The following PTPRQ variants were observed in gnomAD, a reference collection of about 807,000 sequenced individuals.
PTPRQ encodes the protein protein tyrosine phosphatase receptor type Q, also known as phosphatidylinositol phosphatase PTPRQ.
Under a neutral mutation model 246.0 loss-of-function variants are expected in PTPRQ, and 199 were observed. The observed-to-expected ratio is 0.81, with a 90% CI of 0.72 to 0.91. PTPRQ has a LOEUF of 0.91. Ranked by LOEUF, PTPRQ falls within the 40% of genes least tolerant of loss-of-function variation. PTPRQ has a pLI of 0.00. For synonymous variants in PTPRQ, 869 were observed against 853.2 expected, an observed-to-expected ratio of 1.02 and a Z score of -0.32; for missense variants, 2,624 against 2,528.4, an observed-to-expected ratio of 1.04 and a Z score of -0.81.
chr12:80,469,377 A>G (rs1306037353), intron 7 of PTPRQ, among the ~76,000 whole-genome samples: 1 of 152,170 alleles, frequency 6.6e-6, no homozygotes, highest in Non-Finnish European at 1.5e-5. Flanking sequence ...TTTGTAAGCA[A>G]GCAGGACCTG....
chr12:80,525,154 TAC>T (rs560027312), intron 17 of PTPRQ, among the ~76,000 whole-genome samples: 31 of 152,266 alleles, frequency 2.0e-4, no homozygotes, highest in African/African-American at 7.0e-4. Context: ...ACAGTTTGAA[TAC>T]ACAGAGTAGA....
At chr12:80,554,081 G>GT (rs1896570453) in intron 25 of PTPRQ, among the ~76,000 whole-genome samples, 1 of 151,944 alleles carries the variant, frequency 6.6e-6, no homozygotes, top group African/African-American at 2.4e-5. Flanking sequence ...GAGGGGCAGG[G>GT]GGGGTAGGAA....
chr12:80,560,556 C>T (rs1896793107), intron 25 of PTPRQ, among the ~76,000 whole-genome samples: 1 of 152,226 alleles, frequency 6.6e-6, no homozygotes, highest in Middle Eastern at 3.4e-3. Flanking sequence ...GCCAAGAAAA[C>T]ATTTTAACTA....
Position 80,506,134 on chromosome 12 carries a change from A to G in PTPRQ, c.2383A>G (p.Ile795Val), listed in dbSNP as rs905192752. 8 of 1,538,930 alleles carry G rather than the reference A, an allele frequency of 5.2e-6. No individual in the cohort carries two copies. Among genetic ancestry groups the G allele is most frequent in the Admixed American group, 4.1e-5 (2 of 48,826 alleles). The change falls in exon 15 of 45, where the codon ATT becomes GTT. Residue 795 changes from isoleucine (I) to valine (V), a missense_variant. Ile to Val is a conservative substitution (Grantham distance 29, BLOSUM62 3). Coordinates refer to ENST00000644991, the MANE Select transcript of PTPRQ (RefSeq NM_001145026.2). The stretch of plus-strand genomic sequence containing the variant: ...CAATGGAATCATACAAAAATATACA[A>G]TTTATCTCAAGAGAAGTAATGGAAA... Reference protein sequence around the residue: ...SPNGIIQKYTIYLKRSNGNEE... With the variant: ...SPNGIIQKYTVYLKRSNGNEE...
chr12:80,495,730 T>A (rs1894596681), intron 12 of PTPRQ, among the ~76,000 whole-genome samples: 1 of 152,058 alleles, frequency 6.6e-6, no homozygotes, highest in Non-Finnish European at 1.5e-5. Flanking sequence ...ACATGGTATT[T>A]GTGCCAAGTC....
intron 17 of PTPRQ, among the ~76,000 whole-genome samples, chr12:80,514,547 A>T (rs974187961): frequency 6.9e-6 from 1 of 145,366 alleles, no homozygotes; most frequent in Non-Finnish European, 1.5e-5. Flanking sequence ...AACTGTATAT[A>T]TATATATATA....
chr12:80,543,223 C>T (rs1896207415), intron 23 of PTPRQ, among the ~76,000 whole-genome samples: 1 of 152,038 alleles, frequency 6.6e-6, no homozygotes, highest in African/African-American at 2.4e-5. Context: ...AACAGCAGCA[C>T]CAAGGGAATC....
At chr12:80,642,084 G>A (rs1165756275) in intron 35 of PTPRQ, among the ~76,000 whole-genome samples, 1 of 151,960 alleles carries the variant, frequency 6.6e-6, no homozygotes, top group Non-Finnish European at 1.5e-5. Flanking sequence ...CCCTTACCCT[G>A]ACACAGCTAA....
chr12:80,500,056 G>A (rs186999036), intron 14 of PTPRQ, among the ~76,000 whole-genome samples: 2 of 151,936 alleles, frequency 1.3e-5, no homozygotes, highest in Admixed American at 6.6e-5. Context: ...CCAAAATTTT[G>A]TGTAGACCCC....
intron 25 of PTPRQ, among the ~76,000 whole-genome samples, chr12:80,563,650 G>T (rs568253424): frequency 6.6e-6 from 1 of 152,276 alleles, no homozygotes; most frequent in South Asian, 2.1e-4. Flanking sequence ...TATACCCAAG[G>T]AGAGGATTTC....
chr12:80,621,731 C>T (rs988183854), intron 32 of PTPRQ, among the ~76,000 whole-genome samples: 2 of 151,964 alleles, frequency 1.3e-5, no homozygotes, highest in South Asian at 4.1e-4. Flanking sequence ...GTTAGTGTAA[C>T]ACCCTTCACA....
intron 13 of PTPRQ, 26 bp downstream of exon 13, chr12:80,496,132 T>G: frequency 6.5e-7 from 1 of 1,543,250 alleles, no homozygotes; most frequent in Non-Finnish European, 8.7e-7. Context: ...GCAGCTTTAA[T>G]TTTTTTAAAA....
intron 17 of PTPRQ, among the ~76,000 whole-genome samples, chr12:80,521,347 G>A (rs1472983858): frequency 6.6e-6 from 1 of 152,062 alleles, no homozygotes; most frequent in East Asian, 1.9e-4. Context: ...CTTTTGCTGT[G>A]CAGAAGCTCT....
In PTPRQ at chr12:80,613,835, G is replaced by A; in HGVS notation, c.5162G>A (p.Ser1721Asn). ...AAAGGTGGACATACATACAATATCAGTGTAAGAATCCGTAGCTTCAGTTAA... is the reference window on the plus strand; with the variant it reads ...AAAGGTGGACATACATACAATATCAATGTAAGAATCCGTAGCTTCAGTTAA... ...GLKGGHTYNI[S>N]VYAVNSAGAG... Residue 1721 changes from serine (S) to asparagine (N), a missense_variant and splice_region_variant, in exon 29 of 45, where the codon AGT becomes AAT. Physicochemically the swap from Ser to Asn is conservative, Grantham distance 46. Coordinates refer to ENST00000644991, the MANE Select transcript of PTPRQ (RefSeq NM_001145026.2). 1 of 1,499,404 alleles carries A rather than the reference G, an allele frequency of 6.7e-7. No homozygotes were observed. The highest frequency in any genetic ancestry group is 1.4e-5 in the South Asian group (1 of 73,794). The allele number at this position is 1,499,404 out of a possible 1,614,324, so 92.9% of individuals were successfully genotyped here.
At chr12:80,449,343 G>A (rs1892666664) in intron 3 of PTPRQ, among the ~76,000 whole-genome samples, 1 of 152,060 alleles carries the variant, frequency 6.6e-6, no homozygotes, top group Non-Finnish European at 1.5e-5. Context: ...CACTCTGATG[G>A]TAGTTTCTTT....
chr12:80,541,295 G>A (rs575981546), intron 20 of PTPRQ, among the ~76,000 whole-genome samples: 1 of 151,800 alleles, frequency 6.6e-6, no homozygotes, highest in Non-Finnish European at 1.5e-5. Flanking sequence ...TCTCCACATA[G>A]TAGGAAAGAA....
chr12:80,493,340 G>A lies in PTPRQ; in HGVS notation c.1425G>A (p.Glu475=), dbSNP rs2120645251. The change falls in exon 10 of 45, where the codon GAG becomes GAA. Residue 475 remains glutamate (E), a synonymous_variant. Transcript: ENST00000644991. ...TAGAGCCAATGGTAGGATTATATGA[G>A]GGTTCAGCAGAGATGTCGTCTGACC... ...NIVEPMVGLY[E]GSAEMSSDLH... is the part of the protein sequence containing the mutation. 1 of 1,549,552 alleles carries A rather than the reference G, an allele frequency of 6.5e-7. No individual in the cohort carries two copies. Among genetic ancestry groups the A allele is most frequent in the South Asian group, 1.2e-5 (1 of 83,832 alleles).
chr12:80,483,293 G>A (rs1002152804), intron 8 of PTPRQ, among the ~76,000 whole-genome samples: 3 of 142,670 alleles, frequency 2.1e-5, no homozygotes, highest in East Asian at 2.1e-4. Context: ...ACCAAACGCC[G>A]CATATTCTCA....
intron 41 of PTPRQ, 115 bp from the exon 42 acceptor site, chr12:80,670,229 G>T: frequency 2.1e-6 from 3 of 1,403,850 alleles, no homozygotes; most frequent in South Asian, 1.4e-5. Flanking sequence ...ATTTTATTTG[G>T]TTTGGTAAAT....
Sources: gnomAD v4.1 joint callset for allele counts (sites outside exome capture counted in the v4.1 genomes callset) on GRCh38, gnomAD v4.1.1 for gene constraint, MANE v1.5 for transcripts, NCBI Gene and HGNC (gene_info 2026-07-23, HGNC 2026-07-21) for gene names.